MUC4: variants seen among roughly 807,000 people sequenced by gnomAD.
The protein encoded by MUC4 is mucin 4, cell surface associated.
A neutral mutation model predicts 257.9 loss-of-function variants in MUC4; 202 were observed. That is an observed-to-expected ratio of 0.78 (90% CI 0.70 to 0.88). The LOEUF (loss-of-function observed/expected upper bound fraction) is 0.88, where lower values mean the gene tolerates loss of function less well. Among genes scored for constraint, MUC4 ranks in the 40% least tolerant of loss-of-function variants. The pLI, the probability that MUC4 is intolerant of heterozygous loss-of-function variation, is 0.00. For synonymous variants in MUC4, 2,351 were observed against 2,757.1 expected, an observed-to-expected ratio of 0.85 and a Z score of 4.62; for missense variants, 5,976 against 6,513.7, an observed-to-expected ratio of 0.92 and a Z score of 2.84.
intron 16 of MUC4, among the ~76,000 whole-genome samples, chr3:195,760,568 AG>A (rs60152956): frequency 0.1 from 1,938 of 18,838 alleles, 115 homozygotes; most frequent in East Asian, 0.17. Flanking sequence ...GATGGAGTGG[AG>A]GGGGCTGGGA....
In MUC4 at chr3:195,752,405, C is replaced by CCT; in HGVS notation, c.15548_15549dup (p.Glu5184ArgfsTer66). ...TTGACTTCTGCCATGGAGGCATTTT[C>CCT]CTCTTCACTGAGCAAGAGCTGGATG... On this transcript the variant is annotated frameshift_variant, in exon 21 of 25. Transcript: ENST00000463781. LOFTEE classifies it high-confidence loss of function. 1 of 1,614,128 alleles carries CCT rather than the reference C, an allele frequency of 6.2e-7. No homozygotes were observed. Among genetic ancestry groups the CCT allele is most frequent in the South Asian group, 1.1e-5 (1 of 91,078 alleles).
chr3:195,780,980 C>G lies in MUC4; in HGVS notation c.10600G>C (p.Ala3534Pro), dbSNP rs201826718. The G allele has an allele frequency of 7.6e-5, 112 of 1,465,028 alleles. 27 individuals carry two copies. In the Middle Eastern group the frequency reaches 9.3e-4, roughly 12 times the overall value. 90.8% of individuals were successfully genotyped at this position (1,465,028 alleles called of 1,614,324 possible). A position where few individuals can be genotyped will look rare whatever the true frequency, so the allele number is the denominator to read the frequency against. ...TDTSSVSTGH[A>P]TPLPVTSLSS... ...AGGCTGGTGACAGGAAGAGGCGTGG[C>G]GTGACCGGTGGATACTGAGGAAGTG... The change falls in exon 2 of 25, where the codon GCC becomes CCC. Residue 3534 changes from alanine (A) to proline (P), a missense_variant. Physicochemically the swap from Ala to Pro is conservative, Grantham distance 27 (BLOSUM62 -1). Coordinates refer to ENST00000463781, the MANE Select transcript of MUC4 (RefSeq NM_018406.7).
At position 195,763,547 on chromosome 3, in the gene MUC4, G is replaced by T; in HGVS notation, c.14139C>A (p.Asp4713Glu). The T allele has an allele frequency of 6.3e-7, 1 of 1,589,094 alleles. No homozygotes were observed. The highest frequency in any genetic ancestry group is 8.6e-7 in the Non-Finnish European group (1 of 1,166,926). Residue 4713 changes from aspartate to glutamate, a missense_variant, in exon 12 of 25, where the codon GAC becomes GAA. Physicochemically the swap from Asp to Glu is conservative, Grantham distance 45 (BLOSUM62 2). Coordinates refer to ENST00000463781, the MANE Select transcript of MUC4 (RefSeq NM_018406.7). Reference sequence around the variant, plus strand: ...CCTGAAGCAGGAAGGAGGAGTTCCCGTCTTGGGCCCCGACCAGCAGGAAGT... The same window carrying T: ...CCTGAAGCAGGAAGGAGGAGTTCCCTTCTTGGGCCCCGACCAGCAGGAAGT... ...LGDFLLVGAQ[D>E]GNSSFLLQGR...
chr3:195,747,114 C>T lies in MUC4; in HGVS notation c.*62G>A. 3.8e-6 allele frequency: 6 copies of T among 1,594,116 alleles called. No homozygotes were observed. Among genetic ancestry groups the T allele is most frequent in the South Asian group, 1.1e-5 (1 of 90,116 alleles). ...TTTTCCAGTCTCCCAAAAGCAATGG[C>T]GCCTTAAATGTGCGGTAAGGATGAG... On this transcript the variant is annotated 3_prime_UTR_variant, in exon 25 of 25. Transcript: ENST00000463781.
At chr3:195,761,960 CCCAAGGGTTCTGCT>C (rs1478291697) in intron 14 of MUC4, 113 bp downstream of exon 14, 2 of 1,175,782 alleles carry the variant, frequency 1.7e-6, no homozygotes, top group African/African-American at 3.1e-5. Context: ...CGCTCTGTGC[CCCAAGGGTTCTGCT>C]CCAAGGAGGC....
rs750153286 is a variant in MUC4 at position 195,761,569 on chromosome 3, A to C, written c.14529T>G (p.Asn4843Lys). Residue 4843 changes from asparagine to lysine, a missense_variant, in exon 15 of 25, where the codon AAT (asparagine) becomes AAG (lysine). Asn to Lys is a moderately conservative substitution (Grantham distance 94). Transcript: ENST00000463781. The part of the protein sequence containing the change: ...TEGLLGVWNN[N>K]PEDDFRMPNG... Reference sequence around the variant, plus strand: ...TGGGCATCCTGAAGTCGTCCTCTGGATTGTTATTCCAGACCCCTGAGGGAC... The same window carrying C: ...TGGGCATCCTGAAGTCGTCCTCTGGCTTGTTATTCCAGACCCCTGAGGGAC... The C allele has an allele frequency of 6.2e-7, 1 of 1,613,796 alleles. No individual in the cohort carries two copies. The highest frequency in any genetic ancestry group is 1.3e-5 in the African/African-American group (1 of 74,876).
rs765180069 is a variant in MUC4 at position 195,782,083 on chromosome 3, G to A, written c.9497C>T (p.Ala3166Val). Residue 3166 changes from alanine (A) to valine (V), a missense_variant, in exon 2 of 25, where the codon GCC becomes GTC. Transcript: ENST00000463781. ...TDTSSASTGQ[A>V]TPLPVTSLSS... ...AAGGCTGGTGACAGGAAGAGGGGTG[G>A]CCTGACCTGTGGATGCTGAGGAAGT... 1.4e-6 allele frequency: 2 copies of A among 1,381,434 alleles called. No individual in the cohort carries two copies. The highest frequency in any genetic ancestry group is 1.5e-5 in the African/African-American group (1 of 67,664). 85.6% of individuals were successfully genotyped at this position (1,381,434 alleles called of 1,614,324 possible).
chr3:195,797,006 G>T (rs1305498723), intron 1 of MUC4, among the ~76,000 whole-genome samples: 1 of 152,218 alleles, frequency 6.6e-6, no homozygotes, highest in Non-Finnish European at 1.5e-5. Flanking sequence ...ACTTTGGCAG[G>T]CCGAGGCAGG....
At position 195,780,768 on chromosome 3, in the gene MUC4, G is replaced by C. The variant is rs1290825553; in HGVS notation, c.10812C>G (p.Thr3604=). The change falls in exon 2 of 25, where the codon ACC becomes ACG. Residue 3604 remains threonine (T), a synonymous_variant. Coordinates refer to ENST00000463781, the MANE Select transcript of MUC4 (RefSeq NM_018406.7). ...STGHATPLPV[T]DTSSASTGDT... is the part of the protein sequence containing the mutation. ...CACCTGTGGATGCTGAGGAAGTGTC[G>C]GTGACAGGAAGAGGGGTGGCGTGAC... 7 of 1,458,406 alleles carry C rather than the reference G, an allele frequency of 4.8e-6. No individual in the cohort carries two copies. In the East Asian group the frequency reaches 7.7e-5, roughly 16 times the overall value. 90.3% of individuals were successfully genotyped at this position (1,458,406 alleles called of 1,614,324 possible).
chr3:195,810,568 TACGAGCCCCAGGC>T lies in MUC4; in HGVS notation c.82+1155_82+1167del, dbSNP rs1424109125. ...AGGAGCCCAAGGCCAATGCCGGGGCTACGAGCCCCAGGCAAGGCCGTGACCCAAATGGAGGCTT... is the reference window on the plus strand; with the variant it reads ...AGGAGCCCAAGGCCAATGCCGGGGCTAAGGCCGTGACCCAAATGGAGGCTT... On this transcript the variant is annotated intron_variant, in intron 1 of 24. Coordinates refer to ENST00000463781, the MANE Select transcript of MUC4 (RefSeq NM_018406.7). This position sits in a 1 kb window ranked among gnomAD's most constrained non-coding sequence, Gnocchi z 4.2. Among the ~76,000 whole-genome samples the T allele has an allele frequency of 4.6e-5, 7 of 152,144 alleles. No homozygotes were observed. Among genetic ancestry groups the T allele is most frequent in the Non-Finnish European group, 1.0e-4 (7 of 68,030 alleles).
rs748132800 is a variant in MUC4 at position 195,770,263 on chromosome 3, C to G, written c.13351G>C (p.Val4451Leu). The G allele has an allele frequency of 3.1e-6, 5 of 1,613,900 alleles. No homozygotes were observed. The highest frequency in any genetic ancestry group is 4.2e-6 in the Non-Finnish European group (5 of 1,179,930). ...GGYKARWALK[V>L]TWVNAHAYPA... Reference sequence around the variant, plus strand: ...TAGGCGTGGGCATTGACCCACGTGACCTTTAGGGCCCACCTGGCCTTGTAG... The same window carrying G: ...TAGGCGTGGGCATTGACCCACGTGAGCTTTAGGGCCCACCTGGCCTTGTAG... The change falls in exon 6 of 25, where the codon GTC becomes CTC. Residue 4451 changes from valine to leucine, a missense_variant. Val to Leu is a conservative substitution (Grantham distance 32). This residue lies in a region of MUC4 where 996 missense variants were observed against 1,137.3 expected (regional missense o/e 0.88). Transcript: ENST00000463781.
chr3:195,767,611 G>GCCA (rs1241342093), intron 7 of MUC4, among the ~76,000 whole-genome samples: 3 of 14,772 alleles, frequency 2.0e-4, no homozygotes, highest in Admixed American at 5.8e-4. Context: ...CATCACCATT[G>GCCA]CCACCACCAT....
In MUC4 at chr3:195,792,815, G is replaced by T. The variant is rs192856354; in HGVS notation, c.83-1318C>A. ...ACTATGCAGCCATGAAAAAGGAATG[G>T]GATCACGTCCTTTGCAGGTACATGG... is the stretch of plus-strand genomic sequence containing the variant. On this transcript the variant is annotated intron_variant, in intron 1 of 24. Coordinates refer to ENST00000463781, the MANE Select transcript of MUC4 (RefSeq NM_018406.7). Among the ~76,000 whole-genome samples the T allele has an allele frequency of 3.9e-5, 6 of 152,298 alleles. No individual in the cohort carries two copies. The East Asian group carries it at 1.2e-3, about 29-fold the overall frequency.
At chr3:195,749,127 C>A (rs1424505624) in intron 23 of MUC4, 63 bp from the exon 24 acceptor site, 2 of 1,573,992 alleles carry the variant, frequency 1.3e-6, no homozygotes, top group Non-Finnish European at 1.7e-6. Flanking sequence ...AGTACCTTTT[C>A]AGCCACGAAT....
rs935354249 is a variant in MUC4 at position 195,762,174 on chromosome 3, T to C, written c.14425A>G (p.Thr4809Ala). 5 of 1,606,196 alleles carry C rather than the reference T, an allele frequency of 3.1e-6. No homozygotes were observed. The highest frequency in any genetic ancestry group is 1.7e-6 in the Non-Finnish European group (2 of 1,176,936). Residue 4809 changes from threonine to alanine, a missense_variant, in exon 14 of 25, where the codon ACC (threonine) becomes GCC (alanine). Thr to Ala is a moderately conservative substitution (Grantham distance 58). Transcript: ENST00000463781. ...EVSASFDGWA[T>A]VSVIALSNIL... The stretch of plus-strand genomic sequence containing the variant: ...TTGGAGAGCGCGATCACCGAGACGG[T>C]GGCCCAGCCGTCGAAGCTGGCCGAG...
intron 20 of MUC4, among the ~76,000 whole-genome samples, 171 bp downstream of exon 20, chr3:195,752,880 T>TGCCTCGCCAGCTC (rs1358109814): frequency 1.3e-5 from 2 of 152,162 alleles, no homozygotes; most frequent in African/African-American, 4.8e-5. Context: ...CGTGACAGCT[T>TGCCTCGCCAGCTC]GCCTCGCCAG....
At chr3:195,754,441 C>T (rs995018637) in intron 18 of MUC4, 69 bp from the exon 19 acceptor site, 23 of 1,535,558 alleles carry the variant, frequency 1.5e-5, no homozygotes, top group Non-Finnish European at 1.8e-5. Flanking sequence ...GTGTTTCTGA[C>T]TGACCCCTTT....
In MUC4 at chr3:195,789,818, G is replaced by A. The variant is rs2149038907; in HGVS notation, c.1762C>T (p.Gln588Ter). The A allele has an allele frequency of 6.2e-7, 1 of 1,611,068 alleles. No individual in the cohort carries two copies. Among genetic ancestry groups the A allele is most frequent in the South Asian group, 1.1e-5 (1 of 90,952 alleles). The change falls in exon 2 of 25, where the codon CAG (glutamine) becomes TAG (stop). Residue 588 changes from glutamine (Q) to a stop codon, truncating the protein, a stop_gained. Coordinates refer to ENST00000463781, the MANE Select transcript of MUC4 (RefSeq NM_018406.7). LOFTEE classifies it high-confidence loss of function. ...GGGGATGTGGCCGTTTTTATCATCT[G>A]AGTCACACTGTAGCTTGGGCTGCTG... is the stretch of plus-strand genomic sequence containing the variant. ...LLSSPSYSVTQMIKTATSPSS... is the reference protein window; with the variant it reads ...LLSSPSYSVT
Position 195,782,630 on chromosome 3 carries a change from A to T in MUC4, c.8950T>A (p.Ser2984Thr), listed in dbSNP as rs1728789619. Residue 2984 changes from serine (S) to threonine (T), a missense_variant, in exon 2 of 25, where the codon TCA becomes ACA. Coordinates refer to ENST00000463781, the MANE Select transcript of MUC4 (RefSeq NM_018406.7). ...AGGGTGGCGTGACCTGTGGATGCTG[A>T]GGAAGTGTCGGTGTCAGGAAGAGGG... ...ATPLPDTDTS[S>T]ASTGHATLLP... The T allele has an allele frequency of 1.1e-6, 1 of 907,764 alleles. No individual in the cohort carries two copies. Among genetic ancestry groups the T allele is most frequent in the Admixed American group, 2.7e-5 (1 of 37,364 alleles). 56.2% of individuals were successfully genotyped at this position (907,764 alleles called of 1,614,324 possible).
Sources: allele counts gnomAD v4.1 joint callset (sites outside exome capture counted in the v4.1 genomes callset), GRCh38; gene constraint gnomAD v4.1.1; regional missense constraint gnomAD v4.1.1; non-coding constraint Gnocchi (gnomAD v3.1); transcripts MANE v1.5; gene names NCBI Gene and HGNC (gene_info 2026-07-23, HGNC 2026-07-21).